Variants in DIAPH3 observed in about 807,000 individuals in gnomAD.
DIAPH3 encodes diaphanous related formin 3.
Under a neutral mutation model 144.3 loss-of-function variants are expected in DIAPH3, and 117 were observed. The ratio of observed to expected loss-of-function variants is 0.81; its 90% CI spans 0.70 to 0.95. The LOEUF (loss-of-function observed/expected upper bound fraction) is 0.95. Ranked by LOEUF, DIAPH3 falls within the 40% of genes least tolerant of loss-of-function variation. The probability of loss-of-function intolerance (pLI) is 0.00; values close to 1 mark genes in which losing one functional copy is unlikely to be tolerated. For synonymous variants in DIAPH3, 519 were observed against 488.9 expected (o/e 1.06, Z -0.81); for missense variants, 1,421 against 1,412.7 (o/e 1.01, Z -0.09).
At chr13:59,856,557 T>C (rs973222641) in intron 22 of DIAPH3, among the ~76,000 whole-genome samples, 1 of 152,212 alleles carries the variant, frequency 6.6e-6, no homozygotes, top group Admixed American at 6.5e-5. Context: ...TCTGTACATG[T>C]ACATTCCTGA....
chr13:59,809,920 C>A (rs2040386740), intron 25 of DIAPH3, among the ~76,000 whole-genome samples: 1 of 152,026 alleles, frequency 6.6e-6, no homozygotes, highest in African/African-American at 2.4e-5. Context: ...CTTGTTCAAT[C>A]CTTACTGACT....
At chr13:59,667,060 G>A (rs1193115950) in intron 27 of DIAPH3, among the ~76,000 whole-genome samples, 1 of 152,154 alleles carries the variant, frequency 6.6e-6, no homozygotes, top group Non-Finnish European at 1.5e-5. Context: ...CGTTTCATTA[G>A]CACTAATGCC....
At chr13:59,698,171 C>A (rs553586031) in intron 27 of DIAPH3, among the ~76,000 whole-genome samples, 1 of 152,196 alleles carries the variant, frequency 6.6e-6, no homozygotes, top group Non-Finnish European at 1.5e-5. Flanking sequence ...TCTCTCTCCT[C>A]ATACTTACCA....
Position 59,911,811 on chromosome 13 carries a change from T to G in DIAPH3, c.2291A>C (p.Gln764Pro). The G allele has an allele frequency of 6.2e-7, 1 of 1,613,084 alleles. No homozygotes were observed. The highest frequency in any genetic ancestry group is 8.5e-7 in the Non-Finnish European group (1 of 1,179,208). ...CTGAGACAATGAATTTAATTGCTCT[T>G]GATCAGGAAGATGCTTTATTAAGTT... ...IQNLIKHLPD[Q>P]EQLNSLSQFK... Residue 764 changes from glutamine to proline, a missense_variant, in exon 20 of 28, where the codon CAA becomes CCA. Physicochemically the swap from Gln to Pro is moderately conservative, Grantham distance 76 (BLOSUM62 -1). Transcript: ENST00000400324.
chr13:60,014,385 C>A (rs927036595), intron 7 of DIAPH3, among the ~76,000 whole-genome samples: 1 of 151,974 alleles, frequency 6.6e-6, no homozygotes, highest in African/African-American at 2.4e-5. Flanking sequence ...TTCAAAGAAC[C>A]GTGAATTCAG....
At chr13:60,105,559 A>T (rs2138016544) in intron 3 of DIAPH3, among the ~76,000 whole-genome samples, 1 of 152,252 alleles carries the variant, frequency 6.6e-6, no homozygotes, top group East Asian at 1.9e-4. Context: ...GCCTTGAACT[A>T]CTATACTCTC....
At chr13:59,736,985 A>G (rs2036185967) in intron 27 of DIAPH3, among the ~76,000 whole-genome samples, 1 of 152,132 alleles carries the variant, frequency 6.6e-6, no homozygotes, top group Admixed American at 6.6e-5. Context: ...TCCTTAAACT[A>G]TATATAAAAA....
intron 21 of DIAPH3, among the ~76,000 whole-genome samples, chr13:59,862,352 A>C (rs2043645552): frequency 6.6e-6 from 1 of 152,204 alleles, no homozygotes; most frequent in African/African-American, 2.4e-5. Context: ...TAGATGAGAG[A>C]TGATCAGATA....
intron 27 of DIAPH3, among the ~76,000 whole-genome samples, chr13:59,748,003 C>T (rs942216069): frequency 6.6e-6 from 1 of 152,164 alleles, no homozygotes; most frequent in Non-Finnish European, 1.5e-5. Context: ...TGCTGCACCA[C>T]TAAAAGCAAA....
intron 18 of DIAPH3, among the ~76,000 whole-genome samples, chr13:59,917,774 C>T (rs2047293509): frequency 6.6e-6 from 1 of 150,980 alleles, no homozygotes; most frequent in South Asian, 2.1e-4. Context: ...CCTGTAGTCC[C>T]AGCTACTCGG....
chr13:59,861,380 T>C, intron 22 of DIAPH3, 27 bp downstream of exon 22: 2 of 1,613,500 alleles, frequency 1.2e-6, no homozygotes, highest in South Asian at 1.1e-5. Flanking sequence ...ATCAGAGCCA[T>C]GAAATGTTTC....
chr13:60,130,409 T>C (rs1376957837), intron 2 of DIAPH3, among the ~76,000 whole-genome samples: 1 of 152,132 alleles, frequency 6.6e-6, no homozygotes, highest in African/African-American at 2.4e-5. Flanking sequence ...AGCAAGTCCA[T>C]GTGAAGAGGG....
At chr13:60,069,562 C>A (rs1350694616) in intron 4 of DIAPH3, among the ~76,000 whole-genome samples, 1 of 152,022 alleles carries the variant, frequency 6.6e-6, no homozygotes, top group Admixed American at 6.6e-5. Flanking sequence ...GGTCCTATGT[C>A]CAAAATAGTG....
intron 27 of DIAPH3, among the ~76,000 whole-genome samples, chr13:59,686,319 G>A (rs908571165): frequency 1.3e-5 from 2 of 151,920 alleles, no homozygotes; most frequent in African/African-American, 2.4e-5. Flanking sequence ...GTTACTACAG[G>A]CCTTATTTAG....
In DIAPH3 at chr13:59,720,919, A is replaced by T. The variant is rs141576035; in HGVS notation, c.3319+53270T>A. On this transcript the variant is annotated intron_variant, in intron 27 of 27. Coordinates refer to ENST00000400324, the MANE Select transcript of DIAPH3 (RefSeq NM_001042517.2). ...TCCCCAAGTGAAAGTTTAAAAGTAT[A>T]TATGTAGGGTGGGGTGGAGGCTGCT... Among the ~76,000 whole-genome samples the T allele has an allele frequency of 2.7e-3, 414 of 152,238 alleles. 3 individuals are homozygous for T. Among genetic ancestry groups the T allele is most frequent in the African/African-American group, 9.5e-3 (394 of 41,564 alleles).
chr13:60,020,790 C>T (rs1391427973), intron 5 of DIAPH3: 4 of 152,308 alleles, frequency 2.6e-5, no homozygotes, highest in African/African-American at 7.2e-5. Flanking sequence ...AAACAAATGT[C>T]GAACAAAATT....
In DIAPH3 at chr13:59,879,398, A is replaced by G; in HGVS notation, c.2438T>C (p.Val813Ala). Residue 813 changes from valine to alanine, a missense_variant, in exon 21 of 28, where the codon GTG (valine) becomes GCG (alanine). Physicochemically the swap from Val to Ala is moderately conservative, Grantham distance 64 (BLOSUM62 0). Coordinates refer to ENST00000400324, the MANE Select transcript of DIAPH3 (RefSeq NM_001042517.2). Reference sequence around the variant, plus strand: ...CATGATGTCAGGTTTGATGTTGTTCACCTGCTCTTCAAACTGAAGCTTAAA... The same window carrying G: ...CATGATGTCAGGTTTGATGTTGTTCGCCTGCTCTTCAAACTGAAGCTTAAA... The part of the protein sequence containing the change: ...ILFKLQFEEQ[V>A]NNIKPDIMAV... 1 of 1,613,806 alleles carries G rather than the reference A, an allele frequency of 6.2e-7. No homozygotes were observed.
chr13:59,897,238 T>A (rs2046158674), intron 20 of DIAPH3, among the ~76,000 whole-genome samples: 1 of 152,080 alleles, frequency 6.6e-6, no homozygotes, highest in African/African-American at 2.4e-5. Flanking sequence ...AAAGTAGATA[T>A]AATTAATAGG....
intron 17 of DIAPH3, among the ~76,000 whole-genome samples, chr13:59,958,870 T>C (rs1193864303): frequency 7.1e-6 from 1 of 140,848 alleles, no homozygotes; most frequent in African/African-American, 2.6e-5. Context: ...CAATAAACTT[T>C]TTTTTTTTTT....
Sources: allele counts gnomAD v4.1 joint callset (sites outside exome capture counted in the v4.1 genomes callset), GRCh38; gene constraint gnomAD v4.1.1; transcripts MANE v1.5; gene names NCBI Gene and HGNC (gene_info 2026-07-23, HGNC 2026-07-21).